NADK: variants seen among roughly 807,000 people sequenced by gnomAD.
The protein encoded by NADK is NAD kinase, also known as poly(P)/ATP NAD kinase.
NADK carries 22 observed loss-of-function variants against 49.8 expected under a neutral mutation model. The ratio of observed to expected loss-of-function variants is 0.44; its 90% CI spans 0.32 to 0.63. The LOEUF (loss-of-function observed/expected upper bound fraction) is 0.63, where lower values mean the gene tolerates loss of function less well. NADK is among the 30% of genes least tolerant of loss of function. The pLI is 0.06. For missense variants in NADK, 438 were observed against 609.4 expected (o/e 0.72, Z 2.96); for synonymous variants, 268 against 253.7 (o/e 1.06, Z -0.54).
intron 3 of NADK, among the ~76,000 whole-genome samples, chr1:1,760,600 C>T (rs767962666): frequency 2.6e-5 from 4 of 152,126 alleles, no homozygotes; most frequent in Non-Finnish European, 5.9e-5. Context: ...CAGCAGCCTG[C>T]GCGCTGGAAC....
intron 6 of NADK, among the ~76,000 whole-genome samples, chr1:1,755,784 G>A (rs754304010): frequency 8.5e-5 from 13 of 152,130 alleles, no homozygotes; most frequent in Admixed American, 7.2e-4. Context: ...TCGGAGCCTC[G>A]CGCCCCACAG....
chr1:1,778,542 C>A (rs1372897040), upstream of NADK: 1 of 150,936 alleles, frequency 6.6e-6, no homozygotes, highest in Admixed American at 6.6e-5. This position sits in a 1 kb window ranked among gnomAD's most constrained non-coding sequence, Gnocchi z 4.9. Flanking sequence ...CGGGTCCCAC[C>A]GGCGCCGGGA....
rs564081382 is a variant in NADK, at chr1:1,752,788, A to T, written c.*116T>A. The T allele has an allele frequency of 3.2e-4, 404 of 1,247,452 alleles. No individual in the cohort carries two copies. Among genetic ancestry groups the T allele is most frequent in the Non-Finnish European group, 4.4e-4 (394 of 893,866 alleles). The allele number at this position is 1,247,452 out of a possible 1,614,324, so 77.3% of individuals were successfully genotyped here. A position where few individuals can be genotyped will look rare whatever the true frequency, so the allele number is the denominator to read the frequency against. On this transcript the variant is annotated 3_prime_UTR_variant, in exon 12 of 12. Transcript: ENST00000341426. Reference sequence around the variant, plus strand: ...CAGACCCAGGCTCTAACCCAGCTACAGAAAGGAAGTGGCCGTGCCACTGAG... The same window carrying T: ...CAGACCCAGGCTCTAACCCAGCTACTGAAAGGAAGTGGCCGTGCCACTGAG...
intron 1 of NADK, among the ~76,000 whole-genome samples, chr1:1,766,765 C>CA (rs1283308654): frequency 6.6e-6 from 1 of 151,538 alleles, no homozygotes; most frequent in African/African-American, 2.4e-5. Flanking sequence ...GCACCACGTC[C>CA]AGCTAATTTT....
In NADK at chr1:1,778,336, G is replaced by C. The variant is rs191880460; in HGVS notation, c.-88C>G. 4.4e-3 allele frequency: 660 copies of C among 151,146 alleles called. 4 individuals carry two copies. Among genetic ancestry groups the C allele is most frequent in the Middle Eastern group, 0.017 (5 of 294 alleles). The allele number at this position is 151,146 out of a possible 1,614,324, so 9.4% of individuals were successfully genotyped here. On this transcript the variant is annotated 5_prime_UTR_variant, in exon 1 of 12. Transcript: ENST00000341426. The surrounding 1 kb of genome is among the most constrained non-coding windows in gnomAD (Gnocchi z 4.9). The stretch of plus-strand genomic sequence containing the variant: ...CGGGGGCGTCTACATGCCGGACCGA[G>C]CCCGCAGGCCCCGCCGCCGCGCCGC...
rs762499198 is a variant in NADK, at chr1:1,752,594, T to C, written c.*310A>G. 9 of 294,594 alleles carry C rather than the reference T, an allele frequency of 3.1e-5. No individual in the cohort carries two copies. The highest frequency in any genetic ancestry group is 1.5e-4 in the Admixed American group (3 of 20,286). 18.2% of individuals were successfully genotyped at this position (294,594 alleles called of 1,614,324 possible). A position where few individuals can be genotyped will look rare whatever the true frequency, so the allele number is the denominator to read the frequency against. On this transcript the variant is annotated 3_prime_UTR_variant, in exon 12 of 12. Transcript: ENST00000341426. Reference sequence around the variant, plus strand: ...CTCCTCTGAATTTCAACCGACTGATTTGCGGAAAAATATCCTGGCATGGAA... The same window carrying C: ...CTCCTCTGAATTTCAACCGACTGATCTGCGGAAAAATATCCTGGCATGGAA...
intron 11 of NADK, 90 bp from the exon 12 acceptor site, chr1:1,753,150 G>A: frequency 2.1e-6 from 3 of 1,453,778 alleles, no homozygotes; most frequent in Non-Finnish European, 2.8e-6. Flanking sequence ...CCTGGGAATG[G>A]CCGGGACTCT....
intron 1 of NADK, among the ~76,000 whole-genome samples, chr1:1,771,054 A>AT (rs1557861200): frequency 6.1e-4 from 82 of 134,088 alleles, no homozygotes; most frequent in Middle Eastern, 3.7e-3. Flanking sequence ...AAAAAAAAAA[A>AT]AATATATATA....
intron 6 of NADK, among the ~76,000 whole-genome samples, chr1:1,755,683 T>C (rs1306150486): frequency 6.6e-6 from 1 of 151,298 alleles, no homozygotes; most frequent in Non-Finnish European, 1.5e-5. Context: ...TGTGGGGAGC[T>C]GGTGAGGAAC....
chr1:1,758,437 C>A, intron 3 of NADK: 3 of 1,612,312 alleles, frequency 1.9e-6, no homozygotes, highest in Middle Eastern at 1.8e-4. Context: ...TGCCGGGTCA[C>A]ACATGTGGCT....
chr1:1,774,925 G>A (rs1646167517), intron 1 of NADK, among the ~76,000 whole-genome samples: 1 of 151,854 alleles, frequency 6.6e-6, no homozygotes, highest in Admixed American at 6.6e-5. Flanking sequence ...GGCCAAGATG[G>A]TGAAACTCCG....
intron 4 of NADK, chr1:1,756,867 C>A (rs1348010388): frequency 2.5e-6 from 2 of 807,056 alleles, no homozygotes; most frequent in Non-Finnish European, 4.4e-6. Context: ...GCGCCGCAAC[C>A]CCCACGCCTG....
rs752564462 is a variant in NADK at position 1,761,924 on chromosome 1, C to CGGGG, written c.263+27_263+28insCCCC. 4.5e-5 allele frequency: 72 copies of CGGGG among 1,607,988 alleles called. No individual in the cohort carries two copies. The Admixed American group carries it at 1.1e-3, about 25-fold the overall frequency. ...CTAGGGGTTCTCTCCCTTCCAAGAACCCCCCGTCCTGGGGCCCCAGCACTC... is the reference window on the plus strand; with the variant it reads ...CTAGGGGTTCTCTCCCTTCCAAGAACGGGGCCCCCGTCCTGGGGCCCCAGCACTC... On this transcript the variant is annotated intron_variant, in intron 3 of 11. Transcript: ENST00000341426.
chr1:1,753,966 G>T (rs2100271457), intron 10 of NADK, 85 bp downstream of exon 10: 1 of 1,470,296 alleles, frequency 6.8e-7, no homozygotes, highest in Non-Finnish European at 9.1e-7. Context: ...AGCCAGCATG[G>T]CAGAGCGGGG....
At position 1,756,136 on chromosome 1, in the gene NADK, C is replaced by A; in HGVS notation, c.585+122G>T. 11 of 950,372 alleles carry A rather than the reference C, an allele frequency of 1.2e-5. 1 individual carries two copies. In the South Asian group the frequency reaches 1.2e-4, roughly 11 times the overall value. 58.9% of individuals were successfully genotyped at this position (950,372 alleles called of 1,614,324 possible). On this transcript the variant is annotated intron_variant, in intron 6 of 11. Transcript: ENST00000341426. ...TGCCACCATGGGCCTCAGTGCTGGC[C>A]GCTCTAGGTGACTGCTCTCGTATAA...
chr1:1,753,068 G>A lies in NADK; in HGVS notation c.1185-8C>T, dbSNP rs774351214. 20 of 1,605,470 alleles carry A rather than the reference G, an allele frequency of 1.2e-5. No homozygotes were observed. The highest frequency in any genetic ancestry group is 2.7e-5 in the African/African-American group (2 of 74,818). On this transcript the variant is annotated splice_polypyrimidine_tract_variant and splice_region_variant and intron_variant, in intron 11 of 11. Transcript: ENST00000341426. The stretch of plus-strand genomic sequence containing the variant: ...GAGGTAGTGATGCTGATGCTGGGAC[G>A]GGAGAGCAGCAGCCTGAGCCAGGGC...
chr1:1,768,376 A>G (rs1039855078), intron 1 of NADK, among the ~76,000 whole-genome samples: 1 of 151,922 alleles, frequency 6.6e-6, no homozygotes, highest in African/African-American at 2.4e-5. Context: ...TGTCTCTACA[A>G]AACAAAAACA....
intron 3 of NADK, chr1:1,758,992 C>T (rs369873622): frequency 1.8e-4 from 249 of 1,351,012 alleles, no homozygotes; most frequent in African/African-American, 1.7e-3. Flanking sequence ...TGCTTGGCTC[C>T]GGCCCAAGGG....
At chr1:1,755,561 C>T in intron 6 of NADK, 85 bp from the exon 7 acceptor site, 2 of 996,250 alleles carry the variant, frequency 2.0e-6, no homozygotes, top group Admixed American at 3.5e-5. Context: ...CAGGAGGGAC[C>T]CAGCTCTGTG....
Sources: gnomAD v4.1 joint callset for allele counts (sites outside exome capture counted in the v4.1 genomes callset) on GRCh38, gnomAD v4.1.1 for gene constraint, Gnocchi (gnomAD v3.1) non-coding constraint, MANE v1.5 for transcripts, NCBI Gene and HGNC (gene_info 2026-07-23, HGNC 2026-07-21) for gene names.